The following ROR1 variants were observed in gnomAD, a reference collection of about 807,000 sequenced individuals.
The protein encoded by ROR1 is inactive tyrosine-protein kinase transmembrane receptor ROR1.
ROR1 carries 19 observed loss-of-function variants against 78.8 expected under a neutral mutation model. The observed-to-expected ratio is 0.24, with a 90% confidence interval of 0.17 to 0.35. ROR1 has a LOEUF of 0.35. Among genes scored for constraint, ROR1 ranks in the 10% least tolerant of loss-of-function variants. ROR1 has a pLI of 1.00. For synonymous variants in ROR1, 386 were observed against 433.6 expected (o/e 0.89, Z 1.36); for missense variants, 917 against 1,177.8 (o/e 0.78, Z 3.24).
chr1:64,179,180 A>C lies in ROR1; in HGVS notation c.*325A>C. On this transcript the variant is annotated 3_prime_UTR_variant, in exon 9 of 9. Coordinates refer to ENST00000371079, the MANE Select transcript of ROR1 (RefSeq NM_005012.4). The stretch of plus-strand genomic sequence containing the variant: ...GAAAAGAACCTTGTGATTAAATATA[A>C]AACCAAAAGTCAAATGGTGCTTTGT... 4.4e-6 allele frequency: 1 copy of C among 228,946 alleles called. No individual in the cohort carries two copies. The highest frequency in any genetic ancestry group is 8.8e-5 in the South Asian group (1 of 11,418). 14.2% of individuals were successfully genotyped at this position (228,946 alleles called of 1,614,324 possible). A position where few individuals can be genotyped will look rare whatever the true frequency, so the allele number is the denominator to read the frequency against.
intron 7 of ROR1, among the ~76,000 whole-genome samples, chr1:64,144,067 G>T (rs547811976): frequency 6.6e-6 from 1 of 152,184 alleles, no homozygotes; most frequent in Non-Finnish European, 1.5e-5. Flanking sequence ...GGAGGGACAC[G>T]TGGGCAGATT....
chr1:63,911,817 C>T (rs1176540028), intron 1 of ROR1, among the ~76,000 whole-genome samples: 3 of 152,090 alleles, frequency 2.0e-5, no homozygotes, highest in African/African-American at 7.2e-5. Context: ...TGGACCTGTA[C>T]AAGAGATATG....
intron 4 of ROR1, among the ~76,000 whole-genome samples, chr1:64,080,938 G>A (rs140569219): frequency 6.6e-6 from 1 of 152,278 alleles, no homozygotes; most frequent in East Asian, 1.9e-4. Flanking sequence ...ACCTGACTAG[G>A]TTACTCTTAT....
intron 1 of ROR1, among the ~76,000 whole-genome samples, chr1:63,996,436 C>T (rs1408470364): frequency 1.3e-5 from 2 of 152,194 alleles, no homozygotes. Flanking sequence ...ACATTTTAAA[C>T]TGGTGCAATT....
intron 1 of ROR1, among the ~76,000 whole-genome samples, chr1:63,804,178 A>T (rs1644814628): frequency 6.6e-6 from 1 of 151,812 alleles, no homozygotes; most frequent in African/African-American, 2.4e-5. Context: ...TCATGAGGCA[A>T]CTCTGTGGTG....
intron 1 of ROR1, among the ~76,000 whole-genome samples, chr1:63,820,878 G>A (rs908263775): frequency 2.0e-5 from 3 of 152,150 alleles, no homozygotes; most frequent in Non-Finnish European, 4.4e-5. Flanking sequence ...GTGTGAGGTG[G>A]TACAGCTAGG....
At position 63,949,764 on chromosome 1, in the gene ROR1, G is replaced by T. The variant is rs150189151; in HGVS notation, c.92-59541G>T. On this transcript the variant is annotated intron_variant, in intron 1 of 8. Transcript: ENST00000371079. ...TCAGACATGCTTAAGTTTCTCAAAG[G>T]GGGTAGCCCGGGAACTTGAGACTTC... 2.9e-3 allele frequency among the ~76,000 whole-genome samples: 435 copies of T among 152,182 alleles called. 3 individuals carry two copies. Among genetic ancestry groups the T allele is most frequent in the African/African-American group, 0.01 (421 of 41,524 alleles).
chr1:64,014,740 C>CTATATATATA lies in ROR1; in HGVS notation c.163+5389_163+5398dup, dbSNP rs1208813882. Among the ~76,000 whole-genome samples the CTATATATATA allele has an allele frequency of 2.1e-3, 60 of 29,030 alleles. 1 individual carries two copies. Among genetic ancestry groups the CTATATATATA allele is most frequent in the African/African-American group, 5.5e-3 (49 of 8,954 alleles). The allele number at this position is 29,030 out of a possible 152,430, so 19.0% of individuals were successfully genotyped here. A position where few individuals can be genotyped will look rare whatever the true frequency, so the allele number is the denominator to read the frequency against. ...ATATATATATATACACATACGCACACTATATATATATATATATATATATAT... is the reference window on the plus strand; with the variant it reads ...ATATATATATATACACATACGCACACTATATATATATATATATATATATATATATATATAT... On this transcript the variant is annotated intron_variant, in intron 2 of 8. Transcript: ENST00000371079.
At chr1:64,022,154 G>A (rs1055509992) in intron 2 of ROR1, among the ~76,000 whole-genome samples, 2 of 152,204 alleles carry the variant, frequency 1.3e-5, no homozygotes, top group African/African-American at 2.4e-5. Context: ...AAAAGGTCAC[G>A]TGTATGATTT....
At chr1:63,909,558 G>GAC (rs1258407361) in intron 1 of ROR1, among the ~76,000 whole-genome samples, 18 of 152,238 alleles carry the variant, frequency 1.2e-4, no homozygotes, top group African/African-American at 4.1e-4. Flanking sequence ...TGACCTTCGT[G>GAC]CTGTAGTTAA....
chr1:63,871,883 A>G (rs566434038), intron 1 of ROR1, among the ~76,000 whole-genome samples: 22 of 152,180 alleles, frequency 1.4e-4, no homozygotes, highest in South Asian at 4.1e-4. Context: ...GTATTAAGTC[A>G]TTATAGTTTT....
At chr1:63,995,941 T>C (rs1570032691) in intron 1 of ROR1, among the ~76,000 whole-genome samples, 1 of 152,138 alleles carries the variant, frequency 6.6e-6, no homozygotes, top group Non-Finnish European at 1.5e-5. Flanking sequence ...TTGGAGGAGA[T>C]ACAAAAAGAT....
chr1:64,046,174 A>G (rs1008132610), intron 2 of ROR1, among the ~76,000 whole-genome samples: 8 of 152,122 alleles, frequency 5.3e-5, no homozygotes, highest in African/African-American at 1.7e-4. Flanking sequence ...TATGAATCCA[A>G]AGCCCAGGGA....
At chr1:63,797,209 G>A (rs1242159904) in intron 1 of ROR1, among the ~76,000 whole-genome samples, 3 of 152,168 alleles carry the variant, frequency 2.0e-5, no homozygotes, top group African/African-American at 4.8e-5. Context: ...TGCAAAAAAG[G>A]ACTTTGGGCA....
At chr1:63,852,348 C>T (rs1002384177) in intron 1 of ROR1, among the ~76,000 whole-genome samples, 2 of 152,200 alleles carry the variant, frequency 1.3e-5, no homozygotes, top group Non-Finnish European at 2.9e-5. Flanking sequence ...TGCAACTTTC[C>T]TATGTATTTA....
chr1:64,036,969 CAA>C (rs1646707501), intron 2 of ROR1, among the ~76,000 whole-genome samples: 1 of 152,228 alleles, frequency 6.6e-6, no homozygotes, highest in Admixed American at 6.5e-5. Context: ...GTTTCACACA[CAA>C]GTGTTGTTTG....
At position 64,178,959 on chromosome 1, in the gene ROR1, C is replaced by A; in HGVS notation, c.*104C>A. 4.2e-6 allele frequency: 3 copies of A among 708,268 alleles called. No individual in the cohort carries two copies. Among genetic ancestry groups the A allele is most frequent in the Non-Finnish European group, 6.4e-6 (3 of 469,904 alleles). The allele number at this position is 708,268 out of a possible 1,614,324, so 43.9% of individuals were successfully genotyped here. On this transcript the variant is annotated 3_prime_UTR_variant, in exon 9 of 9. Transcript: ENST00000371079. This position sits in a 1 kb window ranked among gnomAD's most constrained non-coding sequence, Gnocchi z 4.3. ...TAAAGTAAGGTTCTCATTTAGCAGA[C>A]ATCGCAACAAGTACCTTCTGTGAAG...
At chr1:64,030,567 G>A (rs1442892860) in intron 2 of ROR1, among the ~76,000 whole-genome samples, 1 of 152,158 alleles carries the variant, frequency 6.6e-6, no homozygotes, top group African/African-American at 2.4e-5. Flanking sequence ...ATTCCTTCAT[G>A]GAGAAGTAAT....
chr1:64,175,017 TA>T (rs567861566), intron 8 of ROR1, among the ~76,000 whole-genome samples: 58 of 149,456 alleles, frequency 3.9e-4, no homozygotes, highest in African/African-American at 1.2e-3. Context: ...TTTTTTTTTT[TA>T]AAAAAATAGT....
Sources: gnomAD v4.1 joint callset for allele counts (sites outside exome capture counted in the v4.1 genomes callset) on GRCh38, gnomAD v4.1.1 for gene constraint, Gnocchi (gnomAD v3.1) non-coding constraint, MANE v1.5 for transcripts, NCBI Gene and HGNC (gene_info 2026-07-23, HGNC 2026-07-21) for gene names.